The following SUGCT variants were observed in gnomAD, a reference collection of about 807,000 sequenced individuals.
SUGCT encodes succinyl-CoA:glutarate CoA-transferase.
Under a neutral mutation model 55.0 loss-of-function variants are expected in SUGCT, and 41 were observed. That is an observed-to-expected ratio of 0.74 (90% CI 0.58 to 0.97). The LOEUF (loss-of-function observed/expected upper bound fraction) is 0.97. Ranked by LOEUF, SUGCT falls within the 50% of genes least tolerant of loss-of-function variation. The probability of loss-of-function intolerance (pLI) is 0.00; values close to 1 mark genes in which losing one functional copy is unlikely to be tolerated. For missense variants in SUGCT, 568 were observed against 547.8 expected (o/e 1.04, Z -0.37); for synonymous variants, 187 against 200.4 (o/e 0.93, Z 0.56).
At chr7:40,478,467 T>C (rs1790837129) in intron 11 of SUGCT, among the ~76,000 whole-genome samples, 1 of 152,214 alleles carries the variant, frequency 6.6e-6, no homozygotes, top group Non-Finnish European at 1.5e-5. Flanking sequence ...AGACTTAAGA[T>C]ACTGTAAGGT....
chr7:40,558,067 A>G (rs960982800), intron 12 of SUGCT, among the ~76,000 whole-genome samples: 2 of 151,702 alleles, frequency 1.3e-5, no homozygotes, highest in Admixed American at 6.6e-5. Context: ...ATGAAATACT[A>G]CTTCACACTC....
chr7:40,816,047 A>G (rs1170078337), intron 13 of SUGCT, among the ~76,000 whole-genome samples: 1 of 152,196 alleles, frequency 6.6e-6, no homozygotes, highest in Non-Finnish European at 1.5e-5. Flanking sequence ...CCACGTTGCC[A>G]AGCTGGCAAG....
chr7:40,452,767 T>A (rs1156604671), intron 10 of SUGCT, among the ~76,000 whole-genome samples: 1 of 152,144 alleles, frequency 6.6e-6, no homozygotes, highest in Non-Finnish European at 1.5e-5. Context: ...ATAAATGACA[T>A]CTATGAAAAT....
chr7:40,934,806 A>T, the SUGCT span, among the ~76,000 whole-genome samples: 3 of 152,196 alleles, frequency 2.0e-5, no homozygotes, highest in Non-Finnish European at 2.9e-5. Context: ...AAAATGCAGT[A>T]TTTGGGCAGA....
intron 13 of SUGCT, among the ~76,000 whole-genome samples, chr7:40,842,510 C>T (rs1039613283): frequency 2.0e-5 from 3 of 152,012 alleles, no homozygotes; most frequent in African/African-American, 7.2e-5. Context: ...ATGATAAAAC[C>T]TTTAAGTGAA....
At chr7:40,475,008 C>A (rs577178069) in intron 11 of SUGCT, among the ~76,000 whole-genome samples, 1 of 152,264 alleles carries the variant, frequency 6.6e-6, no homozygotes, top group South Asian at 2.1e-4. Flanking sequence ...TAACAGAGTT[C>A]ACTTAATGAA....
intron 12 of SUGCT, among the ~76,000 whole-genome samples, chr7:40,656,040 ATTGT>A (rs1801005165): frequency 6.6e-6 from 1 of 152,184 alleles, no homozygotes; most frequent in Non-Finnish European, 1.5e-5. Flanking sequence ...GATAGTCATA[ATTGT>A]TTGTTGTTTT....
chr7:40,143,113 G>C (rs999574933), intron 1 of SUGCT, among the ~76,000 whole-genome samples: 4 of 152,056 alleles, frequency 2.6e-5, no homozygotes, highest in East Asian at 1.9e-4. Flanking sequence ...TCCTTCCTCT[G>C]CTTGATGAAA....
At chr7:40,190,029 G>A (rs959843306) in intron 5 of SUGCT, among the ~76,000 whole-genome samples, 7 of 152,158 alleles carry the variant, frequency 4.6e-5, no homozygotes, top group African/African-American at 1.4e-4. Context: ...GAAAGTCCAA[G>A]CTTTCTCTAA....
intron 6 of SUGCT, among the ~76,000 whole-genome samples, chr7:40,222,399 T>C (rs1049022502): frequency 1.3e-5 from 2 of 152,154 alleles, no homozygotes; most frequent in Non-Finnish European, 2.9e-5. Context: ...CAACCTTATA[T>C]CCAGCCATGG....
At chr7:40,715,968 C>G (rs1259619752) in intron 12 of SUGCT, among the ~76,000 whole-genome samples, 1 of 152,208 alleles carries the variant, frequency 6.6e-6, no homozygotes. Context: ...CTTTCTTCCT[C>G]ACTAGCTGGC....
chr7:40,867,653 G>C, the SUGCT span, among the ~76,000 whole-genome samples: 231 of 152,312 alleles, frequency 1.5e-3, 8 homozygotes, highest in East Asian at 0.042. Context: ...GAACTGAATA[G>C]ATAACTTCTT....
Position 40,268,480 on chromosome 7 carries a change from T to A in SUGCT, c.577-6033T>A, listed in dbSNP as rs753547800. Among the ~76,000 whole-genome samples, 126 of 152,310 alleles carry A rather than the reference T, an allele frequency of 8.3e-4. 1 individual carries two copies. The highest frequency in any genetic ancestry group is 4.0e-4 in the Non-Finnish European group (27 of 68,032). On this transcript the variant is annotated intron_variant, in intron 7 of 13. Coordinates refer to ENST00000335693, the MANE Select transcript of SUGCT (RefSeq NM_001193313.2). ...CCACCGTATTGTATTAGTAGAATAG[T>A]TTCTTTTTTGTTGCCTAAAATATCC... is the stretch of plus-strand genomic sequence containing the variant.
At chr7:40,632,722 A>C (rs1799841330) in intron 12 of SUGCT, among the ~76,000 whole-genome samples, 1 of 152,056 alleles carries the variant, frequency 6.6e-6, no homozygotes, top group Non-Finnish European at 1.5e-5. Context: ...TCACACAAGT[A>C]GTTGAAAATA....
chr7:40,751,600 C>T (rs1429805639), intron 13 of SUGCT, among the ~76,000 whole-genome samples: 2 of 152,146 alleles, frequency 1.3e-5, no homozygotes, highest in African/African-American at 4.8e-5. Context: ...CAGATGGAAG[C>T]AGAGTTAGGC....
intron 11 of SUGCT, among the ~76,000 whole-genome samples, chr7:40,488,349 C>T (rs1251270678): frequency 6.6e-6 from 1 of 152,082 alleles, no homozygotes; most frequent in Admixed American, 6.6e-5. Context: ...CAACAAAAAA[C>T]TCTACATTTT....
Position 40,182,021 on chromosome 7 carries a change from G to T in SUGCT, c.219G>T (p.Glu73Asp). ...GDLGAEVIKVERPGAGDDTRT... is the reference protein window; with the variant it reads ...GDLGAEVIKVDRPGAGDDTRT... ...TTGGAGCAGAAGTTATAAAAGTGGA[G>T]AGACCAGGTAAAGCTATTACTCCCT... Residue 73 changes from glutamate (E) to aspartate (D), a missense_variant, in exon 3 of 14, where the codon GAG becomes GAT. Physicochemically the swap from Glu to Asp is conservative, Grantham distance 45. Coordinates refer to ENST00000335693, the MANE Select transcript of SUGCT (RefSeq NM_001193313.2). 1 of 1,590,120 alleles carries T rather than the reference G, an allele frequency of 6.3e-7. No homozygotes were observed. The highest frequency in any genetic ancestry group is 1.3e-5 in the African/African-American group (1 of 74,416).
chr7:40,761,258 C>A (rs757364606), intron 13 of SUGCT, among the ~76,000 whole-genome samples: 1 of 152,152 alleles, frequency 6.6e-6, no homozygotes, highest in Non-Finnish European at 1.5e-5. Flanking sequence ...TGTTTGTTTT[C>A]CAAGTAGGAG....
intron 9 of SUGCT, among the ~76,000 whole-genome samples, chr7:40,444,637 G>A (rs1788709512): frequency 6.6e-6 from 1 of 152,136 alleles, no homozygotes; most frequent in African/African-American, 2.4e-5. Context: ...AGACGATGGG[G>A]TTTTCTAAAT....
Sources: gnomAD v4.1 joint callset for allele counts (sites outside exome capture counted in the v4.1 genomes callset) on GRCh38, gnomAD v4.1.1 for gene constraint, MANE v1.5 for transcripts, NCBI Gene and HGNC (gene_info 2026-07-23, HGNC 2026-07-21) for gene names.